Variants in SIPA1L1 observed in about 807,000 individuals in gnomAD.
The protein encoded by SIPA1L1 is signal induced proliferation associated 1 like 1.
In SIPA1L1, 26 loss-of-function variants were observed where a neutral mutation model predicts 162.7. The observed-to-expected ratio is 0.16, with a 90% confidence interval of 0.12 to 0.22. SIPA1L1 has a LOEUF of 0.22. SIPA1L1 is among the 10% of genes least tolerant of loss of function. The pLI is 1.00. For missense variants in SIPA1L1, 1,874 were observed against 2,241.0 expected, an observed-to-expected ratio of 0.84 and a Z score of 3.31; for synonymous variants, 829 against 837.4, an observed-to-expected ratio of 0.99 and a Z score of 0.17.
At chr14:71,357,408 G>A (rs750136910) in intron 2 of SIPA1L1, among the ~76,000 whole-genome samples, 4 of 152,142 alleles carry the variant, frequency 2.6e-5, no homozygotes, top group East Asian at 1.9e-4. Context: ...TGGTAAGGCC[G>A]CCTGATTTCA....
At chr14:71,629,186 C>T (rs895443660) in intron 7 of SIPA1L1, among the ~76,000 whole-genome samples, 1 of 152,214 alleles carries the variant, frequency 6.6e-6, no homozygotes, top group African/African-American at 2.4e-5. Context: ...GTCCGCCTGC[C>T]TCAGCCTCCC....
chr14:71,336,063 A>G (rs1194666425), intron 2 of SIPA1L1, among the ~76,000 whole-genome samples: 2 of 152,218 alleles, frequency 1.3e-5, no homozygotes, highest in African/African-American at 4.8e-5. Flanking sequence ...GTCTTCCTAA[A>G]GTATCTTTTA....
intron 4 of SIPA1L1, among the ~76,000 whole-genome samples, chr14:71,557,340 C>T (rs2056434730): frequency 6.6e-6 from 1 of 152,006 alleles, no homozygotes; most frequent in Non-Finnish European, 1.5e-5. Context: ...AAATGTTTCC[C>T]CATTAGATAT....
intron 7 of SIPA1L1, among the ~76,000 whole-genome samples, chr14:71,638,207 A>C (rs891906688): frequency 6.6e-6 from 1 of 152,196 alleles, no homozygotes; most frequent in African/African-American, 2.4e-5. Flanking sequence ...TAACTTTATG[A>C]AGCCCTAATA....
At chr14:71,471,146 A>G (rs1240742353) in intron 2 of SIPA1L1, among the ~76,000 whole-genome samples, 1 of 151,078 alleles carries the variant, frequency 6.6e-6, no homozygotes, top group Non-Finnish European at 1.5e-5. Flanking sequence ...ACCCGGCCTC[A>G]GAGGTTTTTT....
intron 2 of SIPA1L1, among the ~76,000 whole-genome samples, chr14:71,462,350 C>G (rs1285626509): frequency 2.0e-5 from 3 of 152,174 alleles, no homozygotes; most frequent in African/African-American, 7.2e-5. Flanking sequence ...GGTCATATGG[C>G]CCAAGTGGCA....
chr14:71,586,835 GATA>G (rs1331450720), intron 4 of SIPA1L1: 2 of 152,196 alleles, frequency 1.3e-5, no homozygotes, highest in Non-Finnish European at 1.5e-5. Flanking sequence ...TCATTAGTGA[GATA>G]CTTCTAGCTT....
intron 2 of SIPA1L1, among the ~76,000 whole-genome samples, chr14:71,432,527 G>A (rs1222337676): frequency 6.6e-6 from 1 of 152,162 alleles, no homozygotes; most frequent in Non-Finnish European, 1.5e-5. Flanking sequence ...GAAAGGTGGA[G>A]GGAAAGTTAT....
At chr14:71,701,262 T>C (rs1185700504) in intron 14 of SIPA1L1, among the ~76,000 whole-genome samples, 1 of 152,088 alleles carries the variant, frequency 6.6e-6, no homozygotes, top group Non-Finnish European at 1.5e-5. Context: ...TACCCATACA[T>C]GTATCAGCCT....
At chr14:71,343,210 A>G (rs760630111) in intron 2 of SIPA1L1, among the ~76,000 whole-genome samples, 1 of 152,180 alleles carries the variant, frequency 6.6e-6, no homozygotes, top group South Asian at 2.1e-4. Context: ...CAATAATCCA[A>G]CAGTATTGAG....
chr14:71,351,371 T>G (rs2036687866), intron 2 of SIPA1L1, among the ~76,000 whole-genome samples: 2 of 152,202 alleles, frequency 1.3e-5, no homozygotes, highest in Admixed American at 1.3e-4. Flanking sequence ...AATTTCTACA[T>G]TTAGGACTCA....
chr14:71,371,209 A>G (rs1342936983), intron 2 of SIPA1L1, among the ~76,000 whole-genome samples: 1 of 152,158 alleles, frequency 6.6e-6, no homozygotes, highest in East Asian at 1.9e-4. Flanking sequence ...TACTTGTTAG[A>G]ACATTGGGCA....
rs1220992423 is a variant in SIPA1L1 at position 71,740,009 on chromosome 14, G to A, written c.*848G>A. On this transcript the variant is annotated 3_prime_UTR_variant, in exon 24 of 24. Coordinates refer to ENST00000381232, the MANE Select transcript of SIPA1L1 (RefSeq NM_001386936.1). ...ATTCCCCCAAACTAAAACCTTATCT[G>A]TCTGCATTTTGAATGCATTTTGGTC... 1 of 152,232 alleles carries A rather than the reference G, an allele frequency of 6.6e-6. No homozygotes were observed. Among genetic ancestry groups the A allele is most frequent in the East Asian group, 1.9e-4 (1 of 5,180 alleles). The allele number at this position is 152,232 out of a possible 1,614,324, so 9.4% of individuals were successfully genotyped here.
intron 2 of SIPA1L1, among the ~76,000 whole-genome samples, chr14:71,402,058 C>T (rs922979848): frequency 8.6e-5 from 13 of 152,000 alleles, no homozygotes; most frequent in African/African-American, 3.1e-4. Flanking sequence ...GGGATCCCTG[C>T]ATGTCCCGTT....
At chr14:71,462,095 A>G (rs1379893578) in intron 2 of SIPA1L1, among the ~76,000 whole-genome samples, 1 of 152,248 alleles carries the variant, frequency 6.6e-6, no homozygotes, top group African/African-American at 2.4e-5. Flanking sequence ...TAGATTGGTT[A>G]GAAGGCACCC....
At chr14:71,361,209 A>C (rs2037781181) in intron 2 of SIPA1L1, among the ~76,000 whole-genome samples, 1 of 152,116 alleles carries the variant, frequency 6.6e-6, no homozygotes, top group Non-Finnish European at 1.5e-5. Flanking sequence ...ATTTTAGTAT[A>C]CTCCAAAATG....
chr14:71,672,468 T>G lies in SIPA1L1; in HGVS notation c.2950T>G (p.Trp984Gly). Residue 984 changes from tryptophan (W) to glycine (G), a missense_variant, in exon 12 of 24, where the codon TGG (tryptophan) becomes GGG (glycine). Physicochemically the swap from Trp to Gly is radical, Grantham distance 184 (BLOSUM62 -2). Transcript: ENST00000381232. ...VADVEPYGYA[W>G]QAGLRQGSRL... ...GGATGTGGAGCCCTACGGTTATGCC[T>G]GGCAGGCAGGGCTGAGGCAGGGCAG... 1.9e-6 allele frequency: 3 copies of G among 1,614,224 alleles called. No individual in the cohort carries two copies. Among genetic ancestry groups the G allele is most frequent in the Non-Finnish European group, 2.5e-6 (3 of 1,180,034 alleles).
intron 2 of SIPA1L1, among the ~76,000 whole-genome samples, chr14:71,510,925 C>T (rs538115387): frequency 6.6e-6 from 1 of 152,204 alleles, no homozygotes; most frequent in South Asian, 2.1e-4. Flanking sequence ...TCCCCTTTCC[C>T]CAGATCCCAC....
chr14:71,533,433 T>G (rs1030507508), intron 4 of SIPA1L1, among the ~76,000 whole-genome samples: 1 of 152,200 alleles, frequency 6.6e-6, no homozygotes, highest in Non-Finnish European at 1.5e-5. Context: ...AGCAGATTTA[T>G]TCATTCAGCA....
Sources: allele counts gnomAD v4.1 joint callset (sites outside exome capture counted in the v4.1 genomes callset), GRCh38; gene constraint gnomAD v4.1.1; transcripts MANE v1.5; gene names NCBI Gene and HGNC (gene_info 2026-07-23, HGNC 2026-07-21).